The following CNTLN variants were observed in gnomAD, a reference collection of about 807,000 sequenced individuals.
The protein encoded by CNTLN is centlein, centrosomal protein.
Under a neutral mutation model 180.0 loss-of-function variants are expected in CNTLN, and 212 were observed. The ratio of observed to expected loss-of-function variants is 1.18; its 90% CI spans 1.05 to 1.32. CNTLN has a LOEUF of 1.32. Ranked by LOEUF, CNTLN falls within the 40% of genes most tolerant of loss-of-function variation. The pLI is 0.00. For synonymous variants in CNTLN, 722 were observed against 563.1 expected (o/e 1.28, Z -3.99); for missense variants, 2,095 against 1,610.9 (o/e 1.30, Z -5.14).
intron 2 of CNTLN, among the ~76,000 whole-genome samples, chr9:17,154,582 A>G (rs1024030989): frequency 3.3e-5 from 5 of 152,194 alleles, no homozygotes; most frequent in Non-Finnish European, 7.4e-5. Flanking sequence ...GTTGGCCCCA[A>G]CTGGGAGATA....
chr9:17,302,131 C>T (rs1818411755), intron 7 of CNTLN: 5 of 973,130 alleles, frequency 5.1e-6, no homozygotes, highest in Non-Finnish European at 6.1e-6. Context: ...GACACACACA[C>T]ACTGACCTAT....
chr9:17,505,220 G>T (rs868331376), downstream of CNTLN, among the ~76,000 whole-genome samples: 10 of 152,002 alleles, frequency 6.6e-5, no homozygotes, highest in South Asian at 2.1e-4. Flanking sequence ...AGCTAACATT[G>T]TATGTAATGA....
chr9:17,464,664 C>G, intron 21 of CNTLN, 41 bp downstream of exon 21: 2 of 1,233,842 alleles, frequency 1.6e-6, no homozygotes, highest in Non-Finnish European at 2.2e-6. Context: ...AATATCACTT[C>G]CTGTTGTAAT....
chr9:17,318,695 T>C (rs1819701637), intron 8 of CNTLN, among the ~76,000 whole-genome samples: 1 of 152,170 alleles, frequency 6.6e-6, no homozygotes, highest in South Asian at 2.1e-4. Context: ...AGGAGAGATG[T>C]GGAAGCCCAG....
At chr9:17,321,306 T>A (rs1819892430) in intron 8 of CNTLN, among the ~76,000 whole-genome samples, 1 of 152,210 alleles carries the variant, frequency 6.6e-6, no homozygotes, top group African/African-American at 2.4e-5. Context: ...TTCTTAAGAT[T>A]GAGCTCCACG....
intron 25 of CNTLN, among the ~76,000 whole-genome samples, chr9:17,499,365 C>T (rs1833626399): frequency 6.6e-6 from 1 of 152,108 alleles, no homozygotes; most frequent in South Asian, 2.1e-4. Context: ...CCAAAATAGC[C>T]AGTTAACTTG....
chr9:17,360,585 T>C (rs778826911), intron 12 of CNTLN, among the ~76,000 whole-genome samples: 4 of 152,144 alleles, frequency 2.6e-5, no homozygotes, highest in Admixed American at 1.3e-4. Context: ...TTAGTGGAGT[T>C]CCTTGCTAAG....
chr9:17,339,668 A>T (rs576011661), intron 10 of CNTLN, among the ~76,000 whole-genome samples: 1 of 152,248 alleles, frequency 6.6e-6, no homozygotes, highest in African/African-American at 2.4e-5. Flanking sequence ...TCATACAGAA[A>T]TATGAATAAC....
chr9:17,152,489 C>T (rs1437483144), intron 2 of CNTLN, among the ~76,000 whole-genome samples: 1 of 152,112 alleles, frequency 6.6e-6, no homozygotes, highest in Admixed American at 6.6e-5. Context: ...TTTCTTAATC[C>T]TGAGTTCTAA....
At chr9:17,215,894 G>T (rs146708119) in intron 2 of CNTLN, among the ~76,000 whole-genome samples, 7 of 152,096 alleles carry the variant, frequency 4.6e-5, no homozygotes, top group African/African-American at 4.8e-5. Flanking sequence ...TGCTAAGACC[G>T]TTGGAAAAGC....
chr9:17,499,404 A>G (rs1464467201), intron 25 of CNTLN, among the ~76,000 whole-genome samples: 2 of 152,202 alleles, frequency 1.3e-5, no homozygotes, highest in African/African-American at 4.8e-5. Flanking sequence ...ATTTTTATAA[A>G]CAAAATCTTT....
chr9:17,286,507 A>G (rs1415236075), intron 6 of CNTLN, among the ~76,000 whole-genome samples: 23 of 132,834 alleles, frequency 1.7e-4, no homozygotes, highest in African/African-American at 5.7e-4. Context: ...TTGGTTCCAT[A>G]TGAACTTTAA....
At chr9:17,451,083 A>AAAC (rs1830752465) in intron 18 of CNTLN, among the ~76,000 whole-genome samples, 1 of 152,140 alleles carries the variant, frequency 6.6e-6, no homozygotes, top group Non-Finnish European at 1.5e-5. Flanking sequence ...CCTGGACAGC[A>AAAC]TGCAGAATTT....
intron 18 of CNTLN, among the ~76,000 whole-genome samples, chr9:17,437,005 GGC>G (rs1564105312): frequency 6.6e-6 from 1 of 152,154 alleles, no homozygotes; most frequent in Non-Finnish European, 1.5e-5. Flanking sequence ...TTGATTTTGA[GGC>G]TGATGAAACA....
At position 17,191,746 on chromosome 9, in the gene CNTLN, G is replaced by A. The variant is rs570624841; in HGVS notation, c.450-34457G>A. Among the ~76,000 whole-genome samples, 19 of 152,238 alleles carry A rather than the reference G, an allele frequency of 1.2e-4. 1 individual carries two copies. The highest frequency in any genetic ancestry group is 1.1e-3 in the Admixed American group (17 of 15,286). ...TACAAATAATCTGAAAATATGAAGAGAAATAGTGAATAAATATTGAAATAT... is the reference window on the plus strand; with the variant it reads ...TACAAATAATCTGAAAATATGAAGAAAAATAGTGAATAAATATTGAAATAT... On this transcript the variant is annotated intron_variant, in intron 2 of 25. Transcript: ENST00000380647.
chr9:17,306,445 G>A lies in CNTLN; in HGVS notation c.1147-2613G>A, dbSNP rs551886071. Among the ~76,000 whole-genome samples the A allele has an allele frequency of 1.1e-4, 16 of 152,310 alleles. No individual in the cohort carries two copies. In the East Asian group the frequency reaches 3.1e-3, roughly 29 times the overall value. On this transcript the variant is annotated intron_variant, in intron 7 of 25. Coordinates refer to ENST00000380647, the MANE Select transcript of CNTLN (RefSeq NM_017738.4). The stretch of plus-strand genomic sequence containing the variant: ...ATTACGGATGTGAGCCAACGTGCCT[G>A]ACCAGTGCTCTATTTTATGAAGCAA...
chr9:17,466,269 G>A (rs557096242), intron 22 of CNTLN, 151 bp downstream of exon 22: 4 of 609,480 alleles, frequency 6.6e-6, no homozygotes, highest in African/African-American at 1.9e-5. Flanking sequence ...TACATGAAAC[G>A]CCAAACATTG....
chr9:17,151,400 A>G (rs1207610247), intron 2 of CNTLN, among the ~76,000 whole-genome samples: 1 of 152,134 alleles, frequency 6.6e-6, no homozygotes. Flanking sequence ...ATCTATTGAG[A>G]TAATCGTGTG....
chr9:17,183,172 G>A (rs558801619), intron 2 of CNTLN, among the ~76,000 whole-genome samples: 1 of 152,160 alleles, frequency 6.6e-6, no homozygotes, highest in African/African-American at 2.4e-5. Flanking sequence ...TGGTCATCAG[G>A]AATTATCATT....
Sources: allele counts gnomAD v4.1 joint callset (sites outside exome capture counted in the v4.1 genomes callset), GRCh38; gene constraint gnomAD v4.1.1; transcripts MANE v1.5; gene names NCBI Gene and HGNC (gene_info 2026-07-23, HGNC 2026-07-21).